CCDC83: variants seen among roughly 807,000 people sequenced by gnomAD.
CCDC83 encodes the protein coiled-coil domain-containing protein 83.
In CCDC83, 54 loss-of-function variants were observed where a neutral mutation model predicts 50.1. The observed-to-expected ratio is 1.08, with a 90% CI of 0.87 to 1.35. CCDC83 has a LOEUF of 1.35. CCDC83 is among the 40% of genes most tolerant of loss of function. CCDC83 has a pLI of 0.00. For missense variants in CCDC83, 518 were observed against 473.9 expected (o/e 1.09, Z -0.86); for synonymous variants, 161 against 153.3 (o/e 1.05, Z -0.37).
At chr11:85,882,440 TC>T in intron 3 of CCDC83, 72 bp from the exon 4 acceptor site, 1 of 1,480,224 alleles carries the variant, frequency 6.8e-7, no homozygotes. Context: ...GCCGGGAACT[TC>T]TTGACTCTAT....
chr11:85,885,243 T>G (rs1398571580), intron 4 of CCDC83, among the ~76,000 whole-genome samples: 1 of 152,110 alleles, frequency 6.6e-6, no homozygotes, highest in Non-Finnish European at 1.5e-5. Context: ...CTTGTGTACA[T>G]CTTTGGAAAA....
At chr11:85,874,051 T>A (rs2093255480) in intron 3 of CCDC83, among the ~76,000 whole-genome samples, 1 of 152,234 alleles carries the variant, frequency 6.6e-6, no homozygotes. Flanking sequence ...ACTGTACAGC[T>A]TACTGCTGAT....
intron 10 of CCDC83, among the ~76,000 whole-genome samples, chr11:85,918,214 T>G (rs1042931138): frequency 1.3e-5 from 2 of 152,204 alleles, no homozygotes; most frequent in African/African-American, 4.8e-5. Flanking sequence ...CAGCAAGAAA[T>G]GAAATCTCAA....
intron 2 of CCDC83, among the ~76,000 whole-genome samples, chr11:85,871,459 A>C (rs745917694): frequency 2.6e-5 from 4 of 151,964 alleles, no homozygotes; most frequent in Non-Finnish European, 4.4e-5. Flanking sequence ...TTAATGTTGC[A>C]TTTTCTCATT....
In CCDC83 at chr11:85,882,557, A is replaced by C. The variant is rs2093306335; in HGVS notation, c.225A>C (p.Leu75=). The change falls in exon 4 of 11, where the codon CTA becomes CTC. Residue 75 remains leucine (L), a synonymous_variant. Coordinates refer to ENST00000342404, the MANE Select transcript of CCDC83 (RefSeq NM_001286159.2). ...KEEQIWHIRH[L]LKELSEEKAE... is the part of the protein sequence containing the mutation. Reference sequence around the variant, plus strand: ...AACAGATTTGGCACATACGGCATCTACTAAAGGAACTGAGTGAAGAGAAGG... The same window carrying C: ...AACAGATTTGGCACATACGGCATCTCCTAAAGGAACTGAGTGAAGAGAAGG... 1.9e-6 allele frequency: 3 copies of C among 1,614,036 alleles called. No individual in the cohort carries two copies. The highest frequency in any genetic ancestry group is 2.5e-6 in the Non-Finnish European group (3 of 1,179,908).
intron 1 of CCDC83, among the ~76,000 whole-genome samples, chr11:85,857,267 G>A (rs996792796): frequency 1.3e-5 from 2 of 152,180 alleles, no homozygotes; most frequent in Admixed American, 1.3e-4. Context: ...CCATGGAGAT[G>A]GCCATCCTCA....
intron 3 of CCDC83, among the ~76,000 whole-genome samples, chr11:85,880,364 G>A (rs1010915052): frequency 6.6e-6 from 1 of 152,030 alleles, no homozygotes; most frequent in African/African-American, 2.4e-5. Flanking sequence ...ACGGCTCACT[G>A]CAGCCTCAAC....
intron 7 of CCDC83, among the ~76,000 whole-genome samples, chr11:85,901,622 A>C (rs2093402475): frequency 6.7e-6 from 1 of 148,710 alleles, no homozygotes; most frequent in African/African-American, 2.5e-5. Context: ...CAAATCTCAA[A>C]ACAGGGAAGA....
chr11:85,887,326 A>G (rs942889362), intron 5 of CCDC83, among the ~76,000 whole-genome samples: 4 of 152,224 alleles, frequency 2.6e-5, no homozygotes, highest in South Asian at 2.1e-4. Context: ...ATCTGGCCCA[A>G]AAGAGTTGCT....
At chr11:85,897,328 G>A (rs564964633) in intron 6 of CCDC83, among the ~76,000 whole-genome samples, 2 of 152,288 alleles carry the variant, frequency 1.3e-5, no homozygotes, top group East Asian at 1.9e-4. Flanking sequence ...TTCATTTCAG[G>A]AGGGCTCCTT....
At chr11:85,862,130 T>G (rs2093179889) in intron 1 of CCDC83, among the ~76,000 whole-genome samples, 1 of 151,746 alleles carries the variant, frequency 6.6e-6, no homozygotes, top group South Asian at 2.1e-4. Flanking sequence ...CAAAGCAGTA[T>G]GGGATAACTA....
chr11:85,859,023 T>C (rs1027113948), intron 1 of CCDC83, among the ~76,000 whole-genome samples: 57 of 151,984 alleles, frequency 3.8e-4, no homozygotes, highest in Admixed American at 9.8e-4. Flanking sequence ...AAAGCAAGCA[T>C]AGATCTGCTA....
At chr11:85,904,903 T>C (rs2093418114) in intron 7 of CCDC83, among the ~76,000 whole-genome samples, 1 of 152,080 alleles carries the variant, frequency 6.6e-6, no homozygotes, top group Admixed American at 6.5e-5. Flanking sequence ...TAACTGACAA[T>C]TATCTTTAAA....
intron 3 of CCDC83, among the ~76,000 whole-genome samples, chr11:85,875,905 ACT>A (rs1351929109): frequency 1.3e-5 from 2 of 151,968 alleles, no homozygotes; most frequent in Non-Finnish European, 2.9e-5. Flanking sequence ...TCCGTAGTTC[ACT>A]CTGTCTACTT....
chr11:85,886,201 T>C lies in CCDC83; in HGVS notation c.345T>C (p.Asp115=), dbSNP rs1047549541. ...ACACAGTGTCTTTATTTTCAACAGA[T>C]ATGCGCATGCAAATAAGTAATGCTG... ...FERDQEKNLR[D]MRMQISNAEK... Residue 115 remains aspartate, a splice_region_variant and synonymous_variant, in exon 5 of 11, where the codon GAT becomes GAC. Transcript: ENST00000342404. 5 of 1,571,302 alleles carry C rather than the reference T, an allele frequency of 3.2e-6. No homozygotes were observed. The highest frequency in any genetic ancestry group is 2.3e-5 in the East Asian group (1 of 44,118).
chr11:85,873,271 A>G lies in CCDC83; in HGVS notation c.156A>G (p.Lys52=), dbSNP rs1033326527. The G allele has an allele frequency of 1.3e-6, 2 of 1,518,922 alleles. No individual in the cohort carries two copies. Among genetic ancestry groups the G allele is most frequent in the Non-Finnish European group, 1.8e-6 (2 of 1,113,922 alleles). 94.1% of individuals were successfully genotyped at this position (1,518,922 alleles called of 1,614,324 possible). ...TGTTTCAAATAAAGACACTTAGGAA[A>G]AAGAACCAAAAATATCATGAAAGAG... ...QFMFQIKTLR[K]KNQKYHERNS... The change falls in exon 3 of 11, where the codon AAA becomes AAG. Residue 52 remains lysine (K), a synonymous_variant. Transcript: ENST00000342404.
rs369045079 is a variant in CCDC83 at position 85,883,585 on chromosome 11, T to C, written c.343+910T>C. On this transcript the variant is annotated intron_variant, in intron 4 of 10. Coordinates refer to ENST00000342404, the MANE Select transcript of CCDC83 (RefSeq NM_001286159.2). ...GAGGGTAAATCATGCAGTTCTGACA[T>C]ACACATTTTGAAATTCCTATTCTTT... Among the ~76,000 whole-genome samples, 3 of 152,146 alleles carry C rather than the reference T, an allele frequency of 2.0e-5. No individual in the cohort carries two copies. In the East Asian group the frequency reaches 5.8e-4, roughly 29 times the overall value.
chr11:85,889,140 C>T (rs2093340077), intron 5 of CCDC83, among the ~76,000 whole-genome samples: 1 of 152,198 alleles, frequency 6.6e-6, no homozygotes, highest in African/African-American at 2.4e-5. Flanking sequence ...GTCACCTGAG[C>T]TCAGGGGTTC....
At chr11:85,894,719 T>C (rs1051344585) in intron 5 of CCDC83, among the ~76,000 whole-genome samples, 1 of 152,208 alleles carries the variant, frequency 6.6e-6, no homozygotes, top group Non-Finnish European at 1.5e-5. Flanking sequence ...TACATACTGT[T>C]TGGCATACAG....
Sources: allele counts gnomAD v4.1 joint callset (sites outside exome capture counted in the v4.1 genomes callset), GRCh38; gene constraint gnomAD v4.1.1; transcripts MANE v1.5; gene names NCBI Gene and HGNC (gene_info 2026-07-23, HGNC 2026-07-21).